MCTP1: variants seen among roughly 807,000 people sequenced by gnomAD.
MCTP1 encodes multiple C2 and transmembrane domain containing 1, also known as multiple C2 and transmembrane domain-containing protein 1.
MCTP1 carries 69 observed loss-of-function variants against 120.6 expected under a neutral mutation model. That is an observed-to-expected ratio of 0.57 (90% confidence interval 0.47 to 0.70). The LOEUF is 0.70. Among genes scored for constraint, MCTP1 ranks in the 30% least tolerant of loss-of-function variants. The pLI is 0.00. For missense variants in MCTP1, 1,203 were observed against 1,248.8 expected (o/e 0.96, Z 0.55); for synonymous variants, 529 against 493.1 (o/e 1.07, Z -0.96).
intron 1 of MCTP1, among the ~76,000 whole-genome samples, chr5:95,265,352 C>T (rs946874135): frequency 6.6e-6 from 1 of 152,152 alleles, no homozygotes; most frequent in Admixed American, 6.5e-5. Context: ...ATAAGTTAGG[C>T]CTGTGGTTGG....
intron 1 of MCTP1, among the ~76,000 whole-genome samples, chr5:95,262,875 GC>G (rs752523743): frequency 3.9e-5 from 6 of 152,134 alleles, no homozygotes; most frequent in Non-Finnish European, 8.8e-5. Flanking sequence ...AAAATTAAAA[GC>G]TTTTTTCAAT....
intron 17 of MCTP1, among the ~76,000 whole-genome samples, chr5:94,847,765 A>G (rs1036195533): frequency 6.6e-6 from 1 of 150,788 alleles, no homozygotes. Flanking sequence ...CAAGTTCATC[A>G]CCCCTCAGTG....
chr5:94,889,073 G>T, intron 11 of MCTP1, 101 bp from the exon 12 acceptor site: 2 of 732,296 alleles, frequency 2.7e-6, no homozygotes, highest in Non-Finnish European at 2.3e-6. Flanking sequence ...TTCAGACTCT[G>T]GGGGTAAGAA....
intron 1 of MCTP1, among the ~76,000 whole-genome samples, chr5:95,208,651 T>C (rs190519943): frequency 1.3e-5 from 2 of 151,322 alleles, no homozygotes; most frequent in Non-Finnish European, 2.9e-5. Context: ...CATGCCTCTA[T>C]AATGGGTGTT....
At chr5:94,914,877 A>T (rs1809668508) in intron 8 of MCTP1, among the ~76,000 whole-genome samples, 1 of 152,128 alleles carries the variant, frequency 6.6e-6, no homozygotes, top group African/African-American at 2.4e-5. Flanking sequence ...TAGTTCTAAG[A>T]TTTCATGCAA....
intron 2 of MCTP1, among the ~76,000 whole-genome samples, chr5:94,954,396 AT>A (rs1018468309): frequency 6.6e-6 from 1 of 151,744 alleles, no homozygotes; most frequent in African/African-American, 2.4e-5. Flanking sequence ...GACACTGGAG[AT>A]TCCAAAAGGT....
intron 19 of MCTP1, among the ~76,000 whole-genome samples, chr5:94,719,415 C>T (rs568894121): frequency 2.0e-5 from 3 of 152,082 alleles, no homozygotes; most frequent in Non-Finnish European, 2.9e-5. Flanking sequence ...ACCCAAATGA[C>T]CAACAATGCA....
At chr5:95,098,431 T>C (rs983200122) in intron 1 of MCTP1, among the ~76,000 whole-genome samples, 1 of 152,222 alleles carries the variant, frequency 6.6e-6, no homozygotes, top group Admixed American at 6.5e-5. Flanking sequence ...ACACAACTTA[T>C]CAATAATCAA....
intron 17 of MCTP1, among the ~76,000 whole-genome samples, chr5:94,803,236 G>A (rs1781563643): frequency 6.6e-6 from 1 of 152,062 alleles, no homozygotes; most frequent in Admixed American, 6.6e-5. Context: ...AATCTTCAGG[G>A]GGCATTAGTC....
chr5:94,919,678 G>C lies in MCTP1; in HGVS notation c.1273-1705C>G, dbSNP rs1385752868. On this transcript the variant is annotated intron_variant, in intron 7 of 22. Coordinates refer to ENST00000515393, the MANE Select transcript of MCTP1 (RefSeq NM_024717.7). Reference sequence around the variant, plus strand: ...ACACTACAAAGAAGAGATAATGACAGCCTAGAATGACTGTTTTGTGCTGCA... The same window carrying C: ...ACACTACAAAGAAGAGATAATGACACCCTAGAATGACTGTTTTGTGCTGCA... Among the ~76,000 whole-genome samples, 4 of 152,156 alleles carry C rather than the reference G, an allele frequency of 2.6e-5. No homozygotes were observed. The East Asian group carries it at 7.7e-4, about 29-fold the overall frequency.
intron 1 of MCTP1, among the ~76,000 whole-genome samples, chr5:95,216,233 T>C (rs116519654): frequency 0.015 from 2,348 of 152,300 alleles, 31 homozygotes; most frequent in Middle Eastern, 0.031. Context: ...TGGAAATGCC[T>C]TTGTGTCATG....
chr5:94,972,303 A>C (rs1271112619), intron 2 of MCTP1, among the ~76,000 whole-genome samples: 2 of 152,076 alleles, frequency 1.3e-5, no homozygotes. Context: ...CACTCTTACC[A>C]TGGAGACTAT....
intron 17 of MCTP1, among the ~76,000 whole-genome samples, chr5:94,834,050 C>A: frequency 6.6e-6 from 1 of 152,172 alleles, no homozygotes; most frequent in East Asian, 1.9e-4. Context: ...CTTTTTCTCA[C>A]CACTGATGTC....
At chr5:94,843,962 G>C (rs1791698965) in intron 17 of MCTP1, among the ~76,000 whole-genome samples, 1 of 152,170 alleles carries the variant, frequency 6.6e-6, no homozygotes, top group Non-Finnish European at 1.5e-5. Flanking sequence ...GCTGGAAGCA[G>C]CTGCTCAGGC....
chr5:95,161,712 T>A (rs747661670), intron 1 of MCTP1, among the ~76,000 whole-genome samples: 13 of 152,104 alleles, frequency 8.5e-5, no homozygotes, highest in Non-Finnish European at 1.6e-4. Context: ...TATTATTTGA[T>A]AATTAAAAAT....
At chr5:95,099,804 C>G (rs1271715594) in intron 1 of MCTP1, among the ~76,000 whole-genome samples, 1 of 149,330 alleles carries the variant, frequency 6.7e-6, no homozygotes, top group Non-Finnish European at 1.5e-5. Context: ...AATCATGCTG[C>G]TATAAAGACA....
chr5:95,284,533 C>G lies in MCTP1; in HGVS notation c.43G>C (p.Ala15Pro). The change falls in exon 1 of 23, where the codon GCG becomes CCG. Residue 15 changes from alanine (A) to proline (P), a missense_variant. This residue lies in a region of MCTP1 where 463 missense variants were observed against 377.8 expected (regional missense o/e 1.23). Transcript: ENST00000515393. The surrounding 1 kb of genome is among the most constrained non-coding windows in gnomAD (Gnocchi z 5.2). ...AAAAGEPEPP[A>P]ASSSFQARLW... is the part of the protein sequence containing the mutation. ...CGGGCCTGGAAGGAGGAGGACGCCG[C>G]CGGCGGCTCTGGCTCGCCCGCCGCG... 1.3e-6 allele frequency: 2 copies of G among 1,491,236 alleles called. No homozygotes were observed. The highest frequency in any genetic ancestry group is 1.8e-6 in the Non-Finnish European group (2 of 1,129,694). 92.4% of individuals were successfully genotyped at this position (1,491,236 alleles called of 1,614,324 possible). A position where few individuals can be genotyped will look rare whatever the true frequency, so the allele number is the denominator to read the frequency against.
chr5:95,071,630 C>T (rs1225535741), intron 1 of MCTP1, among the ~76,000 whole-genome samples: 1 of 152,128 alleles, frequency 6.6e-6, no homozygotes, highest in Non-Finnish European at 1.5e-5. Flanking sequence ...TCTGGGGGCA[C>T]AAGCTCTTAA....
chr5:95,027,414 G>A (rs1388694260), intron 1 of MCTP1, among the ~76,000 whole-genome samples: 1 of 152,184 alleles, frequency 6.6e-6, no homozygotes, highest in African/African-American at 2.4e-5. Flanking sequence ...AGGCAAAGAT[G>A]ATTAGAATGA....
Sources: gnomAD v4.1 joint callset for allele counts (sites outside exome capture counted in the v4.1 genomes callset) on GRCh38, gnomAD v4.1.1 for gene constraint, gnomAD v4.1.1 regional missense constraint, Gnocchi (gnomAD v3.1) non-coding constraint, MANE v1.5 for transcripts, NCBI Gene and HGNC (gene_info 2026-07-23, HGNC 2026-07-21) for gene names.